The following AOPEP variants were observed in gnomAD, a reference collection of about 807,000 sequenced individuals.
AOPEP encodes aminopeptidase O.
Under a neutral mutation model 98.1 loss-of-function variants are expected in AOPEP, and 77 were observed. The observed-to-expected ratio is 0.78, with a 90% confidence interval of 0.65 to 0.95. The LOEUF (loss-of-function observed/expected upper bound fraction) is 0.95, where lower values mean the gene tolerates loss of function less well. Among genes scored for constraint, AOPEP ranks in the 40% least tolerant of loss-of-function variants. The pLI, the probability that AOPEP is intolerant of heterozygous loss-of-function variation, is 0.00. For synonymous variants in AOPEP, 346 were observed against 365.3 expected (o/e 0.95, Z 0.60); for missense variants, 1,024 against 1,024.7 (o/e 1.00, Z 0.01).
chr9:95,100,488 C>G, the AOPEP span: 1 of 231,884 alleles, frequency 4.3e-6, no homozygotes, highest in African/African-American at 2.2e-5. Flanking sequence ...ACACACAAAT[C>G]AAAATGGACA....
At chr9:94,874,915 A>G (rs923383929) in intron 5 of AOPEP, among the ~76,000 whole-genome samples, 2 of 152,190 alleles carry the variant, frequency 1.3e-5, no homozygotes, top group Non-Finnish European at 2.9e-5. Context: ...CAAGGCAACT[A>G]TATTATTTAT....
At chr9:94,945,658 C>T (rs569703581) in intron 7 of AOPEP, among the ~76,000 whole-genome samples, 10 of 152,170 alleles carry the variant, frequency 6.6e-5, no homozygotes, top group African/African-American at 1.9e-4. Flanking sequence ...CCAGCTCCCA[C>T]GGGCCATCTG....
chr9:94,802,150 T>C (rs1388728700), intron 5 of AOPEP, among the ~76,000 whole-genome samples: 1 of 152,154 alleles, frequency 6.6e-6, no homozygotes, highest in Non-Finnish European at 1.5e-5. Context: ...TGGATGTCTA[T>C]ATATAGAATT....
chr9:95,002,946 A>G (rs1181903439), intron 11 of AOPEP, among the ~76,000 whole-genome samples: 1 of 152,232 alleles, frequency 6.6e-6, no homozygotes, highest in Admixed American at 6.5e-5. Flanking sequence ...TTTGCTTCCT[A>G]CTTAGCAAAA....
At chr9:95,039,398 C>T (rs1317216561) in intron 13 of AOPEP, among the ~76,000 whole-genome samples, 1 of 151,980 alleles carries the variant, frequency 6.6e-6, no homozygotes, top group African/African-American at 2.4e-5. Context: ...GAAATCCCAT[C>T]TCTACAAAAA....
At chr9:95,150,143 A>G in the AOPEP span, 117 of 1,592,878 alleles carry the variant, frequency 7.3e-5, no homozygotes, top group Non-Finnish European at 9.3e-5. Flanking sequence ...ATAATTAAGG[A>G]CATATAAAAA....
chr9:94,928,034 G>GA (rs1321847482), intron 6 of AOPEP, among the ~76,000 whole-genome samples: 3 of 152,208 alleles, frequency 2.0e-5, no homozygotes, highest in Non-Finnish European at 4.4e-5. Context: ...GAGGGCTGGG[G>GA]AAAATCGGAG....
intron 5 of AOPEP, among the ~76,000 whole-genome samples, chr9:94,801,222 TGAAAA>T (rs1356045439): frequency 6.6e-6 from 1 of 152,212 alleles, no homozygotes; most frequent in Non-Finnish European, 1.5e-5. Flanking sequence ...CAGACTGTGT[TGAAAA>T]GAAAAGGCTC....
intron 2 of AOPEP, among the ~76,000 whole-genome samples, chr9:94,762,956 GT>G (rs1564088822): frequency 2.6e-5 from 4 of 152,148 alleles, no homozygotes; most frequent in Non-Finnish European, 5.9e-5. Context: ...TTACAGTTGC[GT>G]GAAAAACATA....
the AOPEP span, among the ~76,000 whole-genome samples, chr9:95,140,376 G>A: frequency 2.0e-5 from 3 of 152,276 alleles, no homozygotes; most frequent in Non-Finnish European, 4.4e-5. Context: ...TAGTGAGGCA[G>A]TTGTGTTTTC....
rs938495026 is a variant in AOPEP at position 94,910,150 on chromosome 9, G to A, written c.1365-13836G>A. On this transcript the variant is annotated intron_variant, in intron 5 of 16. Transcript: ENST00000375315. ...CTAGTTTTCTCCCTGGCAGCCCTCC[G>A]TCCATTCTCACCTTTCCTCCTCACC... 6.6e-5 allele frequency among the ~76,000 whole-genome samples: 10 copies of A among 152,102 alleles called. No individual in the cohort carries two copies. In the South Asian group the frequency reaches 1.2e-3, roughly 19 times the overall value.
chr9:94,869,093 G>A (rs568454578), intron 5 of AOPEP, among the ~76,000 whole-genome samples: 2 of 152,248 alleles, frequency 1.3e-5, no homozygotes, highest in East Asian at 3.9e-4. Context: ...GCTGGGCATG[G>A]TGGTGTGTAC....
At chr9:94,788,168 C>T (rs983707379) in intron 3 of AOPEP, among the ~76,000 whole-genome samples, 5 of 151,816 alleles carry the variant, frequency 3.3e-5, no homozygotes, top group African/African-American at 1.2e-4. Flanking sequence ...CCTCCTGGGC[C>T]CAAGTGATCC....
At chr9:94,728,814 G>A (rs1477985058) in intron 1 of AOPEP, among the ~76,000 whole-genome samples, 1 of 152,232 alleles carries the variant, frequency 6.6e-6, no homozygotes, top group Admixed American at 6.5e-5. Flanking sequence ...ATGGGGAGAA[G>A]GGTGGGCACA....
intron 5 of AOPEP, among the ~76,000 whole-genome samples, chr9:94,807,980 G>T (rs1237592382): frequency 6.6e-6 from 1 of 152,028 alleles, no homozygotes; most frequent in African/African-American, 2.4e-5. Context: ...AAATTGCCTT[G>T]TCTCTACATT....
the AOPEP span, among the ~76,000 whole-genome samples, chr9:95,096,434 G>A: frequency 1.3e-5 from 2 of 152,118 alleles, no homozygotes; most frequent in African/African-American, 4.8e-5. Flanking sequence ...GAGCTGGTGG[G>A]TGCGGGAGGT....
intron 9 of AOPEP, among the ~76,000 whole-genome samples, chr9:94,964,439 A>G (rs1425997448): frequency 6.6e-6 from 1 of 152,198 alleles, no homozygotes; most frequent in Non-Finnish European, 1.5e-5. Flanking sequence ...GGAAAATGCA[A>G]AAGGGCAGAA....
chr9:95,106,965 TG>T, the AOPEP span: 3 of 1,157,656 alleles, frequency 2.6e-6, no homozygotes, highest in Non-Finnish European at 3.8e-6. Context: ...GGCAGCATCC[TG>T]GTACACACAC....
At chr9:95,012,337 T>A (rs905343062) in intron 13 of AOPEP, among the ~76,000 whole-genome samples, 2 of 152,222 alleles carry the variant, frequency 1.3e-5, no homozygotes, top group African/African-American at 4.8e-5. Flanking sequence ...TTTTAGCAAG[T>A]TTGATGCCAG....
Sources: gnomAD v4.1 joint callset for allele counts (sites outside exome capture counted in the v4.1 genomes callset) on GRCh38, gnomAD v4.1.1 for gene constraint, MANE v1.5 for transcripts, NCBI Gene and HGNC (gene_info 2026-07-23, HGNC 2026-07-21) for gene names.